Variants in ST3GAL6 observed in about 807,000 individuals in gnomAD.
ST3GAL6 encodes the protein ST3 beta-galactoside alpha-2,3-sialyltransferase 6.
ST3GAL6 carries 31 observed loss-of-function variants against 40.5 expected under a neutral mutation model. The observed-to-expected ratio is 0.77, with a 90% confidence interval of 0.58 to 1.03. ST3GAL6 has a LOEUF of 1.03. Among genes scored for constraint, ST3GAL6 ranks in the 50% least tolerant of loss-of-function variants. ST3GAL6 has a pLI of 0.00. For missense variants in ST3GAL6, 357 were observed against 393.2 expected, an observed-to-expected ratio of 0.91 and a Z score of 0.78; for synonymous variants, 129 against 136.9, an observed-to-expected ratio of 0.94 and a Z score of 0.40.
At chr3:98,737,476 GC>G (rs1305781696) in intron 1 of ST3GAL6, among the ~76,000 whole-genome samples, 4 of 151,994 alleles carry the variant, frequency 2.6e-5, no homozygotes, top group Non-Finnish European at 5.9e-5. Context: ...TTTCCCTAGG[GC>G]AGAGCACAGG....
intron 1 of ST3GAL6, among the ~76,000 whole-genome samples, chr3:98,752,845 G>A (rs72932621): frequency 3.9e-5 from 6 of 152,296 alleles, no homozygotes; most frequent in East Asian, 1.9e-4. Flanking sequence ...GACAGTCAGC[G>A]TAATCTATAA....
At chr3:98,777,973 T>C (rs1175382979) in intron 5 of ST3GAL6, among the ~76,000 whole-genome samples, 1 of 152,176 alleles carries the variant, frequency 6.6e-6, no homozygotes, top group Non-Finnish European at 1.5e-5. Flanking sequence ...CTAAGGATTA[T>C]TGCTTTCTCC....
intron 1 of ST3GAL6, among the ~76,000 whole-genome samples, chr3:98,752,780 TC>T (rs1937113637): frequency 6.6e-6 from 1 of 152,206 alleles, no homozygotes; most frequent in Non-Finnish European, 1.5e-5. Context: ...TGATCACTGA[TC>T]TTTGATGTTA....
chr3:98,791,005 T>G (rs1319634616), intron 8 of ST3GAL6, among the ~76,000 whole-genome samples: 1 of 152,152 alleles, frequency 6.6e-6, no homozygotes, highest in East Asian at 1.9e-4. Flanking sequence ...TTTCTTTTCC[T>G]CAAAATCATA....
At chr3:98,776,835 G>T (rs1399363173) in intron 5 of ST3GAL6, among the ~76,000 whole-genome samples, 1 of 152,190 alleles carries the variant, frequency 6.6e-6, no homozygotes, top group African/African-American at 2.4e-5. Flanking sequence ...GATTCTACCA[G>T]ATATAAGTTG....
rs564853489 is a variant in ST3GAL6, at chr3:98,795,264, G to C, written c.*1503G>C. Reference sequence around the variant, plus strand: ...GGGAAACACTGGAAAACCATGGCTTGATTACTGACAACCAACCTGCCTCTC... The same window carrying C: ...GGGAAACACTGGAAAACCATGGCTTCATTACTGACAACCAACCTGCCTCTC... On this transcript the variant is annotated 3_prime_UTR_variant, in exon 10 of 10. Transcript: ENST00000483910. The C allele has an allele frequency of 8.8e-4, 134 of 152,316 alleles. No homozygotes were observed. Among genetic ancestry groups the C allele is most frequent in the African/African-American group, 2.9e-3 (119 of 41,552 alleles). 9.4% of individuals were successfully genotyped at this position (152,316 alleles called of 1,614,324 possible).
At chr3:98,777,424 C>T (rs1236371802) in intron 5 of ST3GAL6, among the ~76,000 whole-genome samples, 3 of 152,228 alleles carry the variant, frequency 2.0e-5, no homozygotes, top group African/African-American at 7.2e-5. Flanking sequence ...TCCCCCAGAA[C>T]TGATTGTTAA....
At chr3:98,759,074 C>G (rs1253989065), upstream of ST3GAL6, among the ~76,000 whole-genome samples, 10 of 152,180 alleles carry the variant, frequency 6.6e-5, no homozygotes, top group South Asian at 1.2e-3. Flanking sequence ...GAATAAATTG[C>G]CAATGAATTA....
intron 5 of ST3GAL6, among the ~76,000 whole-genome samples, chr3:98,776,896 AGAT>A (rs1201299874): frequency 6.6e-6 from 1 of 152,224 alleles, no homozygotes; most frequent in Non-Finnish European, 1.5e-5. Context: ...CAGTTGGGAT[AGAT>A]TCCACTGTGA....
At position 98,784,971 on chromosome 3, in the gene ST3GAL6, T is replaced by C; in HGVS notation, c.362T>C (p.Val121Ala). The C allele has an allele frequency of 6.2e-7, 1 of 1,613,360 alleles. No homozygotes were observed. The highest frequency in any genetic ancestry group is 8.5e-7 in the Non-Finnish European group (1 of 1,179,526). ...ATACCCTGTAAAAAGTGTGTGGTGG[T>C]TGGTAATGGAGGAGTTTTGAAGAAT... ...DNIPCKKCVV[V>A]GNGGVLKNKT... The change falls in exon 6 of 10, where the codon GTT becomes GCT. Residue 121 changes from valine to alanine, a missense_variant. Coordinates refer to ENST00000483910, the MANE Select transcript of ST3GAL6 (RefSeq NM_001323368.2).
chr3:98,784,314 C>T (rs918210893), intron 5 of ST3GAL6: 9 of 152,214 alleles, frequency 5.9e-5, no homozygotes, highest in Admixed American at 5.9e-4. Context: ...CCAGGAACAC[C>T]GCGTGAACTT....
chr3:98,782,578 C>A, intron 5 of ST3GAL6: 1 of 523,836 alleles, frequency 1.9e-6, no homozygotes. Context: ...GCCTCTCCTG[C>A]TTCCAGCACT....
At chr3:98,776,344 G>A (rs746224676) in intron 5 of ST3GAL6, among the ~76,000 whole-genome samples, 2 of 152,182 alleles carry the variant, frequency 1.3e-5, no homozygotes, top group Non-Finnish European at 2.9e-5. Context: ...GTGACCTTAT[G>A]TAGTTCTCAT....
intron 5 of ST3GAL6, among the ~76,000 whole-genome samples, chr3:98,778,764 A>G (rs989862067): frequency 2.0e-5 from 3 of 152,244 alleles, no homozygotes; most frequent in Admixed American, 2.0e-4. Flanking sequence ...GAGGAGCCAG[A>G]ACTAGCAACC....
At position 98,788,313 on chromosome 3, in the gene ST3GAL6, T is replaced by C. The variant is rs754742062; in HGVS notation, c.619-13T>C. ...AGCCACACTGTTCTATTCTCTATAT[T>C]TTTTACTTTCAGAACACTAATGGTT... On this transcript the variant is annotated splice_polypyrimidine_tract_variant and intron_variant, in intron 7 of 9. Transcript: ENST00000483910. 1.4e-5 allele frequency: 22 copies of C among 1,601,070 alleles called. No homozygotes were observed. The highest frequency in any genetic ancestry group is 1.8e-5 in the Non-Finnish European group (21 of 1,175,520).
intron 8 of ST3GAL6, among the ~76,000 whole-genome samples, chr3:98,790,059 T>C (rs1941063022): frequency 6.6e-6 from 1 of 152,172 alleles, no homozygotes; most frequent in South Asian, 2.1e-4. Context: ...CCTGCTTGAA[T>C]TGGGTTGAAG....
intron 1 of ST3GAL6, among the ~76,000 whole-genome samples, chr3:98,740,561 G>A (rs1420214941): frequency 6.6e-5 from 10 of 151,988 alleles, no homozygotes; most frequent in Non-Finnish European, 1.5e-4. Flanking sequence ...ATTATAACGT[G>A]TTCAGTTTCC....
At chr3:98,768,951 T>A (rs928273419) in intron 2 of ST3GAL6, among the ~76,000 whole-genome samples, 1 of 152,204 alleles carries the variant, frequency 6.6e-6, no homozygotes. Flanking sequence ...GATATATGTA[T>A]CTTCTGAAAT....
chr3:98,775,441 C>T (rs1234223149), intron 5 of ST3GAL6, among the ~76,000 whole-genome samples: 1 of 149,888 alleles, frequency 6.7e-6, no homozygotes, highest in African/African-American at 2.5e-5. Context: ...CACCACTGTA[C>T]TCCAGCTTGG....
Sources: gnomAD v4.1 joint callset for allele counts (sites outside exome capture counted in the v4.1 genomes callset) on GRCh38, gnomAD v4.1.1 for gene constraint, MANE v1.5 for transcripts, NCBI Gene and HGNC (gene_info 2026-07-23, HGNC 2026-07-21) for gene names.